UPP2: variants seen among roughly 807,000 people sequenced by gnomAD.
UPP2 encodes UPase 2.
Under a neutral mutation model 26.7 loss-of-function variants are expected in UPP2, and 23 were observed. The observed-to-expected ratio is 0.86, with a 90% confidence interval of 0.62 to 1.22. UPP2 has a LOEUF of 1.22. UPP2 is among the 50% of genes most tolerant of loss of function. The probability of loss-of-function intolerance (pLI) is 0.00; values close to 1 mark genes in which losing one functional copy is unlikely to be tolerated. For synonymous variants in UPP2, 127 were observed against 141.3 expected (o/e 0.90, Z 0.72); for missense variants, 387 against 396.7 (o/e 0.98, Z 0.21).
chr2:158,047,222 A>G (rs954264314), intron 3 of UPP2, among the ~76,000 whole-genome samples: 3 of 152,188 alleles, frequency 2.0e-5, no homozygotes, highest in Admixed American at 6.5e-5. Flanking sequence ...TTTATCAGGA[A>G]CTCCACATGT....
rs368713824 is a variant in UPP2 at position 158,134,857 on chromosome 2, C to A, written c.921C>A (p.Asn307Lys). ...YQQRPQLLISNFIRRRLGLCD is the reference protein window; with the variant it reads ...YQQRPQLLISKFIRRRLGLCD The stretch of plus-strand genomic sequence containing the variant: ...AACGGCCTCAGCTCCTAATCTCCAA[C>A]TTCATCAGACGGCGGCTTGGACTTT... The change falls in exon 7 of 7, where the codon AAC becomes AAA. Residue 307 changes from asparagine (N) to lysine (K), a missense_variant. Asn to Lys is a moderately conservative substitution (Grantham distance 94). Transcript: ENST00000005756. 3 of 1,613,610 alleles carry A rather than the reference C, an allele frequency of 1.9e-6. No homozygotes were observed. The highest frequency in any genetic ancestry group is 1.3e-5 in the African/African-American group (1 of 74,914).
At chr2:158,108,418 C>T (rs913130490) in intron 2 of UPP2, among the ~76,000 whole-genome samples, 7 of 150,882 alleles carry the variant, frequency 4.6e-5, no homozygotes, top group Admixed American at 6.6e-5. Context: ...AATAATGGCT[C>T]TTTCTCTGTT....
intron 6 of UPP2, among the ~76,000 whole-genome samples, chr2:158,127,589 T>C (rs1683722271): frequency 6.6e-6 from 1 of 152,186 alleles, no homozygotes; most frequent in African/African-American, 2.4e-5. Context: ...CTCCTAACTG[T>C]CCACAAAGGG....
chr2:158,039,974 A>C (rs1369473525), intron 3 of UPP2, among the ~76,000 whole-genome samples: 1 of 152,162 alleles, frequency 6.6e-6, no homozygotes, highest in Non-Finnish European at 1.5e-5. Flanking sequence ...TTCATCTTTT[A>C]GTTTTTTGCC....
At chr2:158,082,846 C>T (rs1335153081) in intron 3 of UPP2, among the ~76,000 whole-genome samples, 1 of 152,150 alleles carries the variant, frequency 6.6e-6, no homozygotes, top group Non-Finnish European at 1.5e-5. Flanking sequence ...CTACAAGGAA[C>T]TTAAACAAAT....
At chr2:158,102,426 T>C (rs1017055682) in intron 1 of UPP2, among the ~76,000 whole-genome samples, 4 of 152,190 alleles carry the variant, frequency 2.6e-5, no homozygotes, top group Non-Finnish European at 4.4e-5. Flanking sequence ...AGGTTCAGCC[T>C]GGGACTCACT....
At chr2:158,008,509 G>T (rs1198915675) in intron 2 of UPP2, among the ~76,000 whole-genome samples, 1 of 152,182 alleles carries the variant, frequency 6.6e-6, no homozygotes, top group Non-Finnish European at 1.5e-5. Flanking sequence ...ACACACAGTT[G>T]TTTGAGGCTT....
intron 3 of UPP2, chr2:158,065,829 C>G: frequency 1.5e-6 from 1 of 687,874 alleles, no homozygotes; most frequent in Non-Finnish European, 2.7e-6. Context: ...TCATAAAGAA[C>G]CTCATTGTTG....
intron 2 of UPP2, among the ~76,000 whole-genome samples, chr2:158,013,541 C>G (rs1396277379): frequency 1.3e-5 from 2 of 152,308 alleles, no homozygotes; most frequent in East Asian, 1.9e-4. Context: ...GACTTTTTCT[C>G]TCTTGCTCTG....
chr2:158,044,498 T>C (rs1171598637), intron 3 of UPP2, among the ~76,000 whole-genome samples: 4 of 152,164 alleles, frequency 2.6e-5, no homozygotes, highest in Non-Finnish European at 5.9e-5. Flanking sequence ...GTCAGCCAGC[T>C]AGGGTGACAT....
chr2:157,995,202 C>G, exon 2 of UPP2: 1 of 1,613,696 alleles, frequency 6.2e-7, no homozygotes, highest in South Asian at 1.1e-5. Flanking sequence ...TGCTGCCATG[C>G]TGGCCCCAGG....
At chr2:158,094,358 T>G (rs1682955986) in intron 3 of UPP2, among the ~76,000 whole-genome samples, 1 of 152,170 alleles carries the variant, frequency 6.6e-6, no homozygotes, top group African/African-American at 2.4e-5. Context: ...ATTAAAAATT[T>G]TAACTATAGT....
At chr2:158,061,880 A>C (rs1374134315) in intron 3 of UPP2, among the ~76,000 whole-genome samples, 1 of 152,222 alleles carries the variant, frequency 6.6e-6, no homozygotes, top group Non-Finnish European at 1.5e-5. Context: ...CCACTAGCTC[A>C]CTGATTCTTT....
rs1206735880 is a variant in UPP2, at chr2:158,081,969, AG to A, written c.148-20070del. Among the ~76,000 whole-genome samples, 10 of 143,844 alleles carry A rather than the reference AG, an allele frequency of 7.0e-5. No homozygotes were observed. In the South Asian group the frequency reaches 1.7e-3, roughly 25 times the overall value. 94.4% of individuals were successfully genotyped at this position (143,844 alleles called of 152,430 possible). Reference sequence around the variant, plus strand: ...ACATGAATAATTTTTTTTTTTTTTGAGACAGTCTCACTCTGTCATCCAAGCT... The same window carrying A: ...ACATGAATAATTTTTTTTTTTTTTGAACAGTCTCACTCTGTCATCCAAGCT... On this transcript the variant is annotated intron_variant, in intron 3 of 9. Transcript: ENST00000605860.
At position 158,123,883 on chromosome 2, in the gene UPP2, T is replaced by C; in HGVS notation, c.799T>C (p.Cys267Arg). ...AGTGTTTGCAGCTATGTGTGGACTC[T>C]GTGGTCTAAAAGGTAAGCTTTTCGT... is the stretch of plus-strand genomic sequence containing the variant. ...STVFAAMCGL[C>R]GLKAAVVCVT... Residue 267 changes from cysteine to arginine, a missense_variant, in exon 6 of 7, where the codon TGT (cysteine) becomes CGT (arginine). Coordinates refer to ENST00000005756, the MANE Select transcript of UPP2 (RefSeq NM_173355.4). 6.2e-7 allele frequency: 1 copy of C among 1,612,910 alleles called. No homozygotes were observed. The highest frequency in any genetic ancestry group is 8.5e-7 in the Non-Finnish European group (1 of 1,179,172).
intron 4 of UPP2, among the ~76,000 whole-genome samples, chr2:158,118,700 G>C (rs1683494859): frequency 6.6e-6 from 1 of 152,024 alleles, no homozygotes; most frequent in African/African-American, 2.4e-5. Flanking sequence ...TGGTTGACAG[G>C]GCGATAGAAC....
intron 3 of UPP2, among the ~76,000 whole-genome samples, chr2:158,024,956 T>A (rs756966614): frequency 1.6e-4 from 25 of 152,042 alleles, no homozygotes; most frequent in Non-Finnish European, 3.4e-4. Context: ...AATCCCAGCA[T>A]TTTGGGAGGC....
At chr2:158,049,324 C>T (rs567493814) in intron 3 of UPP2, among the ~76,000 whole-genome samples, 2 of 152,292 alleles carry the variant, frequency 1.3e-5, no homozygotes, top group South Asian at 4.1e-4. Flanking sequence ...CAGTGGCATG[C>T]TCAAAACCAC....
intron 2 of UPP2, among the ~76,000 whole-genome samples, chr2:157,996,176 T>G (rs1683322041): frequency 6.6e-6 from 1 of 152,196 alleles, no homozygotes; most frequent in Admixed American, 6.5e-5. Flanking sequence ...TGTGACCACA[T>G]GATTGTAGAG....
Sources: gnomAD v4.1 joint callset for allele counts (sites outside exome capture counted in the v4.1 genomes callset) on GRCh38, gnomAD v4.1.1 for gene constraint, MANE v1.5 for transcripts, NCBI Gene and HGNC (gene_info 2026-07-23, HGNC 2026-07-21) for gene names.